Variants in PCDH7 observed in about 807,000 individuals in gnomAD.
The protein encoded by PCDH7 is protocadherin 7.
In PCDH7, 17 loss-of-function variants were observed where a neutral mutation model predicts 58.9. That is an observed-to-expected ratio of 0.29 (90% CI 0.20 to 0.43). The LOEUF is 0.43. Ranked by LOEUF, PCDH7 falls within the 20% of genes least tolerant of loss-of-function variation. PCDH7 has a pLI of 1.00. For missense variants in PCDH7, 1,274 were observed against 1,441.0 expected (o/e 0.88, Z 1.88); for synonymous variants, 664 against 616.4 (o/e 1.08, Z -1.14).
intron 3 of PCDH7, among the ~76,000 whole-genome samples, chr4:31,003,134 AT>A (rs917264566): frequency 2.6e-5 from 4 of 152,212 alleles, no homozygotes; most frequent in South Asian, 2.1e-4. Context: ...TACCATGCTT[AT>A]TTTTTTAAGC....
chr4:30,857,284 T>G (rs1733590239), intron 1 of PCDH7, among the ~76,000 whole-genome samples: 1 of 152,108 alleles, frequency 6.6e-6, no homozygotes, highest in Non-Finnish European at 1.5e-5. Flanking sequence ...CCTAACCATT[T>G]TAGACTGTCT....
chr4:31,053,333 A>C (rs1756905471), intron 3 of PCDH7, among the ~76,000 whole-genome samples: 1 of 151,970 alleles, frequency 6.6e-6, no homozygotes, highest in Non-Finnish European at 1.5e-5. Context: ...CCCCAAACAT[A>C]ACTTAGTTAT....
chr4:30,826,551 A>C (rs527365590), intron 1 of PCDH7, among the ~76,000 whole-genome samples: 26 of 152,158 alleles, frequency 1.7e-4, no homozygotes, highest in Admixed American at 1.4e-3. Context: ...TGTGGAAATA[A>C]GAGGCAGGAG....
chr4:30,725,448 ATAGTT>A, intron 1 of PCDH7: 1 of 226,730 alleles, frequency 4.4e-6, no homozygotes, highest in Non-Finnish European at 7.3e-6. Flanking sequence ...ATTTGACATA[ATAGTT>A]TCTCAGTGAA....
At chr4:31,093,400 G>A (rs1181565915) in intron 3 of PCDH7, among the ~76,000 whole-genome samples, 2 of 152,018 alleles carry the variant, frequency 1.3e-5, no homozygotes, top group Non-Finnish European at 2.9e-5. Flanking sequence ...AAATTTGGTA[G>A]GGAGAAAATG....
chr4:30,799,349 A>G (rs1307007427), intron 1 of PCDH7, among the ~76,000 whole-genome samples: 1 of 152,220 alleles, frequency 6.6e-6, no homozygotes, highest in African/African-American at 2.4e-5. Context: ...AAATTTTCCA[A>G]GAAAGACACC....
At chr4:30,808,368 AC>A (rs750455979) in intron 1 of PCDH7, among the ~76,000 whole-genome samples, 1 of 152,086 alleles carries the variant, frequency 6.6e-6, no homozygotes, top group Non-Finnish European at 1.5e-5. Flanking sequence ...AATAAATAAA[AC>A]TTTTTCAGGG....
At chr4:31,066,932 A>T (rs1426569807) in intron 3 of PCDH7, among the ~76,000 whole-genome samples, 1 of 151,956 alleles carries the variant, frequency 6.6e-6, no homozygotes, top group African/African-American at 2.4e-5. Flanking sequence ...AATGCAAGAT[A>T]AAGGAAATAA....
chr4:30,811,505 A>G (rs796650655), intron 1 of PCDH7, among the ~76,000 whole-genome samples: 97 of 152,260 alleles, frequency 6.4e-4, no homozygotes, highest in African/African-American at 2.2e-3. Context: ...AGTGCTATGG[A>G]AAAAAGTCAT....
intron 3 of PCDH7, among the ~76,000 whole-genome samples, chr4:31,034,099 A>G (rs1017484933): frequency 7.9e-5 from 12 of 151,742 alleles, no homozygotes; most frequent in Non-Finnish European, 1.0e-4. Context: ...GTCTCAAAAC[A>G]AACAAACAAA....
chr4:30,993,551 G>A (rs1170549210), intron 3 of PCDH7, among the ~76,000 whole-genome samples: 1 of 152,004 alleles, frequency 6.6e-6, no homozygotes, highest in East Asian at 1.9e-4. Flanking sequence ...TAAGTATTAG[G>A]TAACTGTCAA....
At chr4:31,137,424 A>C (rs2109343471) in intron 3 of PCDH7, among the ~76,000 whole-genome samples, 1 of 152,186 alleles carries the variant, frequency 6.6e-6, no homozygotes, top group South Asian at 2.1e-4. Flanking sequence ...CTCTACTAAA[A>C]ATACAAAAAA....
rs146642079 is a variant in PCDH7, at chr4:30,742,257, T to C, written c.70+17661T>C. ...GTGGCAAATAATCATGTAACTGCAC[T>C]GCTTAGCCAGACAAATAGTTTAATG... On this transcript the variant is annotated intron_variant, in intron 1 of 3. Coordinates refer to the PCDH7 transcript ENST00000509759. Among the ~76,000 whole-genome samples, 466 of 152,262 alleles carry C rather than the reference T, an allele frequency of 3.1e-3. 5 individuals carry two copies. Among genetic ancestry groups the C allele is most frequent in the African/African-American group, 0.011 (442 of 41,562 alleles).
At chr4:30,960,480 G>A (rs894415602) in intron 3 of PCDH7, among the ~76,000 whole-genome samples, 1 of 152,096 alleles carries the variant, frequency 6.6e-6, no homozygotes, top group East Asian at 1.9e-4. Context: ...GCATAGCCAT[G>A]TTTTTAGAAT....
At chr4:31,062,494 T>G (rs1362246192) in intron 3 of PCDH7, among the ~76,000 whole-genome samples, 2 of 151,736 alleles carry the variant, frequency 1.3e-5, no homozygotes, top group Non-Finnish European at 2.9e-5. Flanking sequence ...AGGCCTGAAA[T>G]GCAAAAATTA....
At chr4:30,797,426 C>A (rs184661248) in intron 1 of PCDH7, among the ~76,000 whole-genome samples, 1 of 152,032 alleles carries the variant, frequency 6.6e-6, no homozygotes, top group Non-Finnish European at 1.5e-5. Flanking sequence ...GCGCCCGCCA[C>A]CACGCCCGGC....
At chr4:31,038,564 C>A (rs1025231586) in intron 3 of PCDH7, among the ~76,000 whole-genome samples, 16 of 152,096 alleles carry the variant, frequency 1.1e-4, no homozygotes, top group African/African-American at 2.9e-4. Flanking sequence ...AATTGTATAT[C>A]TTCAAAAGAT....
At chr4:30,997,107 G>A (rs1751963434) in intron 3 of PCDH7, among the ~76,000 whole-genome samples, 1 of 150,398 alleles carries the variant, frequency 6.6e-6, no homozygotes, top group Admixed American at 6.6e-5. Context: ...TTACATCAGT[G>A]TACTATTTCT....
At chr4:30,910,158 C>T (rs1741539203) in intron 1 of PCDH7, among the ~76,000 whole-genome samples, 1 of 152,104 alleles carries the variant, frequency 6.6e-6, no homozygotes, top group South Asian at 2.1e-4. Flanking sequence ...TTCCTTACAC[C>T]TTATACAAAA....
Sources: gnomAD v4.1 joint callset for allele counts (sites outside exome capture counted in the v4.1 genomes callset) on GRCh38, gnomAD v4.1.1 for gene constraint, MANE v1.5 for transcripts, NCBI Gene and HGNC (gene_info 2026-07-23, HGNC 2026-07-21) for gene names.